Variants in SLC12A6 observed in about 807,000 individuals in gnomAD.
SLC12A6 encodes solute carrier family 12 member 6, also known as K-Cl cotransporter 3.
SLC12A6 carries 66 observed loss-of-function variants against 135.3 expected under a neutral mutation model. The observed-to-expected ratio is 0.49, with a 90% CI of 0.40 to 0.60. The LOEUF is 0.60. Ranked by LOEUF, SLC12A6 falls within the 20% of genes least tolerant of loss-of-function variation. The pLI is 0.00. For synonymous variants in SLC12A6, 513 were observed against 508.8 expected, an observed-to-expected ratio of 1.01 and a Z score of -0.11; for missense variants, 1,058 against 1,452.3, an observed-to-expected ratio of 0.73 and a Z score of 4.41.
chr15:34,302,549 G>T (rs564809472), intron 2 of SLC12A6, among the ~76,000 whole-genome samples: 2 of 152,146 alleles, frequency 1.3e-5, no homozygotes, highest in East Asian at 3.9e-4. Context: ...ACAAAAATTA[G>T]CCAGGTGTGG....
At chr15:34,239,325 G>T (rs1891484896) in intron 19 of SLC12A6, among the ~76,000 whole-genome samples, 165 bp from the exon 20 acceptor site, 1 of 152,144 alleles carries the variant, frequency 6.6e-6, no homozygotes, top group African/African-American at 2.4e-5. Flanking sequence ...GGAATTTCAT[G>T]ATCTTTTGTC....
intron 7 of SLC12A6, 39 bp from the exon 8 acceptor site, chr15:34,255,431 T>A: frequency 6.8e-7 from 1 of 1,471,772 alleles, no homozygotes; most frequent in Non-Finnish European, 9.5e-7. Context: ...AGAAAGAGTG[T>A]GTATTAGCAA....
intron 13 of SLC12A6, among the ~76,000 whole-genome samples, chr15:34,249,652 C>T (rs968588520): frequency 3.9e-5 from 6 of 152,088 alleles, no homozygotes; most frequent in Non-Finnish European, 8.8e-5. Context: ...TTTAGAATGC[C>T]AAACACAATT....
rs747365143 is a variant in SLC12A6 at position 34,252,265 on chromosome 15, C to T, written c.1238G>A (p.Ser413Asn). ...ATCACAGGTGGCATTGAAAAATTGA[C>T]TCGAGTTACAGAAGAATCCCCATAA... is the stretch of plus-strand genomic sequence containing the variant. ...SKLWGFFCNS[S>N]QFFNATCDEY... is the part of the protein sequence containing the mutation. Residue 413 changes from serine to asparagine, a missense_variant, in exon 10 of 26, where the codon AGT (serine) becomes AAT (asparagine). Ser to Asn is a conservative substitution (Grantham distance 46). Coordinates refer to ENST00000354181, the MANE Select transcript of SLC12A6 (RefSeq NM_001365088.1). 2 of 1,608,712 alleles carry T rather than the reference C, an allele frequency of 1.2e-6. No homozygotes were observed. Among genetic ancestry groups the T allele is most frequent in the South Asian group, 2.2e-5 (2 of 90,962 alleles).
chr15:34,294,565 T>C (rs1012452363), intron 2 of SLC12A6, among the ~76,000 whole-genome samples: 15 of 54,178 alleles, frequency 2.8e-4, no homozygotes, highest in African/African-American at 9.6e-4. Context: ...CTAAATACCT[T>C]TTTTTTAATT....
intron 3 of SLC12A6, among the ~76,000 whole-genome samples, chr15:34,266,199 A>C (rs1448342478): frequency 6.6e-6 from 1 of 152,136 alleles, no homozygotes; most frequent in Non-Finnish European, 1.5e-5. Flanking sequence ...ATATAAGGAC[A>C]TACAAAAGCT....
At chr15:34,243,530 G>A (rs919303915) in intron 16 of SLC12A6, among the ~76,000 whole-genome samples, 17 of 152,104 alleles carry the variant, frequency 1.1e-4, no homozygotes, top group African/African-American at 3.9e-4. Flanking sequence ...CAGGCACTAC[G>A]ATAAGCACTT....
chr15:34,254,900 C>T (rs1172410910), intron 8 of SLC12A6, among the ~76,000 whole-genome samples: 1 of 152,072 alleles, frequency 6.6e-6, no homozygotes, highest in Non-Finnish European at 1.5e-5. Flanking sequence ...TTAACCCTGA[C>T]TCTACTATCA....
chr15:34,297,331 TA>T (rs1421206757), intron 2 of SLC12A6, among the ~76,000 whole-genome samples: 1 of 151,948 alleles, frequency 6.6e-6, no homozygotes, highest in African/African-American at 2.4e-5. Flanking sequence ...TGACTCAATT[TA>T]AGAAAAAAAT....
At chr15:34,266,356 A>C (rs938587475) in intron 3 of SLC12A6, among the ~76,000 whole-genome samples, 2 of 152,188 alleles carry the variant, frequency 1.3e-5, no homozygotes, top group Non-Finnish European at 2.9e-5. Flanking sequence ...AAAAGGTTTA[A>C]TCCACCAAGA....
chr15:34,300,470 C>A (rs990835156), intron 2 of SLC12A6, among the ~76,000 whole-genome samples: 3 of 152,092 alleles, frequency 2.0e-5, no homozygotes, highest in African/African-American at 7.2e-5. Context: ...TACTCCCCTA[C>A]CCCTAGCCAT....
chr15:34,235,076 G>T, intron 25 of SLC12A6, 105 bp downstream of exon 25: 2 of 1,071,586 alleles, frequency 1.9e-6, no homozygotes, highest in Non-Finnish European at 2.9e-6. Context: ...CTTCCTTAAA[G>T]AGGGAAAGTG....
Position 34,275,360 on chromosome 15 carries a change from G to T in SLC12A6, c.301C>A (p.His101Asn). 1 of 1,543,072 alleles carries T rather than the reference G, an allele frequency of 6.5e-7. No individual in the cohort carries two copies. Among genetic ancestry groups the T allele is most frequent in the Non-Finnish European group, 9.0e-7 (1 of 1,116,078 alleles). Residue 101 changes from histidine (H) to asparagine (N), a missense_variant, in exon 3 of 26, where the codon CAC becomes AAC. Physicochemically the swap from His to Asn is moderately conservative, Grantham distance 68 (BLOSUM62 1). This residue lies in a region of SLC12A6 where 176 missense variants were observed against 168.9 expected (regional missense o/e 1.04). Transcript: ENST00000354181. ...DLSQNSITGE[H>N]SQLLDDGHKK... ...AATACTATACCTAACAGTTGGCTGT[G>T]TTCCCCTGTGATGGAGTTCTGACTC...
chr15:34,268,863 C>A (rs59764520), intron 3 of SLC12A6, among the ~76,000 whole-genome samples: 1 of 143,570 alleles, frequency 7.0e-6, no homozygotes, highest in East Asian at 2.0e-4. Flanking sequence ...TTCTTTCTTT[C>A]TTTTTTTTTT....
rs202034087 is a variant in SLC12A6, at chr15:34,257,665, T to C, written c.667A>G (p.Ile223Val). 4.4e-5 allele frequency: 71 copies of C among 1,613,694 alleles called. No individual in the cohort carries two copies. The highest frequency in any genetic ancestry group is 1.2e-4 in the African/African-American group (9 of 74,886). ...GTAGVLQAFA[I>V]VLICCCCTML... ...ACACAGCAGCAGCAGATAAGGACAATTGCAAAAGCCTGAAGAACTCCAGCT... is the reference window on the plus strand; with the variant it reads ...ACACAGCAGCAGCAGATAAGGACAACTGCAAAAGCCTGAAGAACTCCAGCT... The change falls in exon 6 of 26, where the codon ATT (isoleucine) becomes GTT (valine). Residue 223 changes from isoleucine (I) to valine (V), a missense_variant. This residue lies in a region of SLC12A6 where 139 missense variants were observed against 202.2 expected (regional missense o/e 0.69). Transcript: ENST00000354181.
intron 2 of SLC12A6, among the ~76,000 whole-genome samples, chr15:34,295,875 G>T (rs11857295): frequency 1.3e-5 from 2 of 151,902 alleles, no homozygotes; most frequent in Non-Finnish European, 2.9e-5. Flanking sequence ...TGGCACATGC[G>T]TGTAAGCCCA....
chr15:34,253,279 A>T (rs1003360679), intron 9 of SLC12A6, among the ~76,000 whole-genome samples: 2 of 152,204 alleles, frequency 1.3e-5, no homozygotes, highest in African/African-American at 4.8e-5. Context: ...GTTTTGCTGG[A>T]ATATCTCAAA....
intron 2 of SLC12A6, among the ~76,000 whole-genome samples, chr15:34,335,446 G>A (rs376652858): frequency 1.3e-3 from 195 of 152,296 alleles, no homozygotes; most frequent in African/African-American, 4.4e-3. Context: ...TGAGGCTATG[G>A]TTTTCAAACT....
chr15:34,254,658 T>G, intron 8 of SLC12A6, 69 bp from the exon 9 acceptor site: 1 of 1,205,170 alleles, frequency 8.3e-7, no homozygotes, highest in Non-Finnish European at 1.2e-6. Context: ...CTGTATTCGT[T>G]TGCATTTACT....
Sources: allele counts gnomAD v4.1 joint callset (sites outside exome capture counted in the v4.1 genomes callset), GRCh38; gene constraint gnomAD v4.1.1; regional missense constraint gnomAD v4.1.1; transcripts MANE v1.5; gene names NCBI Gene and HGNC (gene_info 2026-07-23, HGNC 2026-07-21).